Variants in DMD observed in about 807,000 individuals in gnomAD.
DMD encodes the protein mutant dystrophin.
In DMD, 63 loss-of-function variants were observed where a neutral mutation model predicts 330.1. That is an observed-to-expected ratio of 0.19 (90% confidence interval 0.16 to 0.24). The LOEUF (loss-of-function observed/expected upper bound fraction) is 0.24. DMD is among the 10% of genes least tolerant of loss of function. DMD has a pLI of 1.00. For synonymous variants in DMD, 1,223 were observed against 959.8 expected (o/e 1.27, Z -5.07); for missense variants, 3,344 against 2,684.1 (o/e 1.25, Z -5.43).
chrX:31,565,620 A>C (rs1214768683), intron 55 of DMD, among the ~76,000 whole-genome samples: 2 of 111,872 alleles, frequency 1.8e-5, no homozygotes, highest in African/African-American at 6.5e-5. Context: ...TACAGGTTGT[A>C]AGATAAATGT....
At chrX:32,447,425 G>C (rs993518255) in intron 27 of DMD, among the ~76,000 whole-genome samples, 2 of 110,942 alleles carry the variant, frequency 1.8e-5, no homozygotes, top group African/African-American at 6.5e-5. Flanking sequence ...GAAGAGCTTA[G>C]AACTGATAAT....
At chrX:32,055,594 A>G (rs944714328) in intron 44 of DMD, among the ~76,000 whole-genome samples, 3 of 111,607 alleles carry the variant, frequency 2.7e-5, no homozygotes, top group African/African-American at 9.8e-5. Context: ...TGATCACTAT[A>G]CATTACATAT....
chrX:31,538,021 T>C (rs189854824), intron 55 of DMD, among the ~76,000 whole-genome samples: 10 of 112,435 alleles, frequency 8.9e-5, no homozygotes, highest in African/African-American at 3.2e-4. Flanking sequence ...CAGTGATTAA[T>C]GCACGTAGGT....
At chrX:31,907,191 A>G (rs753014330) in intron 47 of DMD, among the ~76,000 whole-genome samples, 1 of 111,701 alleles carries the variant, frequency 9.0e-6, no homozygotes, top group Non-Finnish European at 1.9e-5. Flanking sequence ...TCCAGGACAC[A>G]TCAACAGGGT....
chrX:32,781,455 A>G (rs987322127), intron 7 of DMD, among the ~76,000 whole-genome samples: 1 of 112,257 alleles, frequency 8.9e-6, no homozygotes, highest in African/African-American at 3.2e-5. Flanking sequence ...GAAACATTTG[A>G]AAAACAGAAG....
chrX:31,771,094 C>T (rs1405115510), intron 51 of DMD, among the ~76,000 whole-genome samples: 2 of 111,083 alleles, frequency 1.8e-5, no homozygotes, highest in Non-Finnish European at 3.8e-5. Flanking sequence ...GTTGGGATTG[C>T]TTTATTTAAA....
At chrX:31,983,298 C>CTT (rs78372492) in intron 44 of DMD, among the ~76,000 whole-genome samples, 1 of 108,597 alleles carries the variant, frequency 9.2e-6, no homozygotes, top group African/African-American at 3.3e-5. Context: ...TATATACTTA[C>CTT]TTTTTTTTTC....
intron 1 of DMD, among the ~76,000 whole-genome samples, chrX:33,063,836 TAC>T (rs199812420): frequency 9.0e-6 from 1 of 110,944 alleles, no homozygotes; most frequent in African/African-American, 3.3e-5. Flanking sequence ...CCTGCTACAA[TAC>T]ACACACACAC....
intron 48 of DMD, among the ~76,000 whole-genome samples, chrX:31,861,649 T>TGTGG (rs2093701641): frequency 1.0e-5 from 1 of 98,763 alleles, no homozygotes; most frequent in South Asian, 5.1e-4. Flanking sequence ...TGTGTGTGTG[T>TGTGG]GTGTGTGTGT....
chrX:31,612,226 A>G (rs1440305465), intron 55 of DMD, among the ~76,000 whole-genome samples: 1 of 111,360 alleles, frequency 9.0e-6, no homozygotes, highest in Non-Finnish European at 1.9e-5. Context: ...GGAATCATAC[A>G]ATATTTTTCA....
intron 1 of DMD, among the ~76,000 whole-genome samples, chrX:33,040,381 A>ATTTG (rs2094280126): frequency 1.6e-4 from 18 of 111,192 alleles, no homozygotes; most frequent in Admixed American, 1.3e-3. Flanking sequence ...GAGAGGGTCA[A>ATTTG]GATACCCTCT....
At chrX:31,978,894 G>A (rs374782487) in intron 44 of DMD, among the ~76,000 whole-genome samples, 1 of 111,631 alleles carries the variant, frequency 9.0e-6, no homozygotes, top group Admixed American at 9.5e-5. Flanking sequence ...AATGGATAAA[G>A]GTGTGCCCCA....
chrX:33,076,340 C>T (rs1236644322), intron 1 of DMD, among the ~76,000 whole-genome samples: 1 of 111,902 alleles, frequency 8.9e-6, no homozygotes, highest in Non-Finnish European at 1.9e-5. Context: ...ATTACTCTTT[C>T]TCTATTGCAA....
At chrX:32,739,157 G>T (rs2065417179) in intron 7 of DMD, among the ~76,000 whole-genome samples, 1 of 111,495 alleles carries the variant, frequency 9.0e-6, no homozygotes, top group Non-Finnish European at 1.9e-5. Context: ...TGAGGAAAAG[G>T]CTCAGGGATC....
intron 45 of DMD, among the ~76,000 whole-genome samples, chrX:31,941,520 C>T (rs1480882172): frequency 1.8e-5 from 2 of 111,587 alleles, no homozygotes; most frequent in Non-Finnish European, 3.8e-5. Flanking sequence ...ATCCTCCTGT[C>T]GCTGTCTCCT....
chrX:32,834,449 A>G (rs1267947674), intron 4 of DMD, among the ~76,000 whole-genome samples: 1 of 112,064 alleles, frequency 8.9e-6, no homozygotes, highest in Non-Finnish European at 1.9e-5. Flanking sequence ...AGAACATTTT[A>G]GAATCCTCTT....
chrX:32,236,530 G>A (rs780439501), intron 43 of DMD, among the ~76,000 whole-genome samples: 40 of 111,811 alleles, frequency 3.6e-4, no homozygotes, highest in Admixed American at 2.1e-3. Flanking sequence ...GAAGGACCTC[G>A]TGGGAGGTAA....
intron 2 of DMD, among the ~76,000 whole-genome samples, chrX:33,009,149 TATAC>T (rs1230794066): frequency 8.1e-5 from 4 of 49,191 alleles, no homozygotes; most frequent in Admixed American, 2.2e-4. Context: ...TATGTGTATA[TATAC>T]GTATATATGT....
At chrX:31,897,945 A>ATT (rs2094367277) in intron 47 of DMD, among the ~76,000 whole-genome samples, 1 of 110,197 alleles carries the variant, frequency 9.1e-6, no homozygotes, top group African/African-American at 3.3e-5. Context: ...CCATTTGTCA[A>ATT]TTTTGGCTTT....
Sources: gnomAD v4.1 joint callset for allele counts (sites outside exome capture counted in the v4.1 genomes callset) on GRCh38, gnomAD v4.1.1 for gene constraint, MANE v1.5 for transcripts, NCBI Gene and HGNC (gene_info 2026-07-23, HGNC 2026-07-21) for gene names.